SLIT3: variants seen among roughly 807,000 people sequenced by gnomAD.
SLIT3 encodes slit guidance ligand 3, also known as slit homolog 3 protein.
SLIT3 carries 68 observed loss-of-function variants against 184.0 expected under a neutral mutation model. That is an observed-to-expected ratio of 0.37 (90% CI 0.30 to 0.45). The LOEUF is 0.45. Ranked by LOEUF, SLIT3 falls within the 20% of genes least tolerant of loss-of-function variation. SLIT3 has a pLI of 1.00. For missense variants in SLIT3, 1,707 were observed against 2,026.0 expected (o/e 0.84, Z 3.02); for synonymous variants, 831 against 828.6 (o/e 1.00, Z -0.05).
At chr5:168,752,770 G>T in intron 18 of SLIT3, 185 bp downstream of exon 18, 1 of 593,454 alleles carries the variant, frequency 1.7e-6, no homozygotes, top group South Asian at 2.1e-5. Context: ...CCAGGAAGGA[G>T]GGGCCGGGTG....
At chr5:168,752,757 G>C (rs561413996) in intron 18 of SLIT3, 198 bp downstream of exon 18, 2 of 584,162 alleles carry the variant, frequency 3.4e-6, no homozygotes, top group Non-Finnish European at 6.1e-6. Flanking sequence ...TATGCTGTGA[G>C]TTCCAGGAAG....
chr5:168,788,011 C>T (rs902697839), intron 11 of SLIT3, among the ~76,000 whole-genome samples: 2 of 152,096 alleles, frequency 1.3e-5, no homozygotes, highest in Non-Finnish European at 2.9e-5. Context: ...TTAAACAATG[C>T]TCACATATAT....
intron 3 of SLIT3, among the ~76,000 whole-genome samples, chr5:169,232,633 T>C (rs1284117504): frequency 6.6e-6 from 1 of 152,220 alleles, no homozygotes; most frequent in Non-Finnish European, 1.5e-5. Flanking sequence ...TCCATATGGT[T>C]ACCCAATTAC....
chr5:169,133,198 A>G (rs893054601), intron 4 of SLIT3, among the ~76,000 whole-genome samples: 8 of 151,958 alleles, frequency 5.3e-5, no homozygotes, highest in Middle Eastern at 3.2e-3. Flanking sequence ...CTCTTTCTCC[A>G]TTCCCTTTCC....
chr5:168,923,751 C>T (rs1053570146), intron 4 of SLIT3, among the ~76,000 whole-genome samples: 59 of 152,280 alleles, frequency 3.9e-4, no homozygotes, highest in African/African-American at 1.3e-3. Context: ...CTCCTGACCT[C>T]GTGATCCACC....
intron 4 of SLIT3, among the ~76,000 whole-genome samples, chr5:168,959,857 C>T (rs1273785488): frequency 2.6e-5 from 4 of 152,180 alleles, no homozygotes; most frequent in African/African-American, 7.2e-5. Context: ...ACCGAGTTCT[C>T]ACAGGGTGCC....
At chr5:168,817,042 T>A (rs560184223) in intron 8 of SLIT3, among the ~76,000 whole-genome samples, 1 of 141,706 alleles carries the variant, frequency 7.1e-6, no homozygotes, top group African/African-American at 2.6e-5. Flanking sequence ...CTAGTATCAA[T>A]GGACTAGGGG....
At chr5:168,848,239 C>T (rs1036071235) in intron 5 of SLIT3, among the ~76,000 whole-genome samples, 3 of 152,230 alleles carry the variant, frequency 2.0e-5, no homozygotes, top group Non-Finnish European at 2.9e-5. Flanking sequence ...TAAGCCATAT[C>T]GTCATGACTG....
chr5:169,288,760 C>A (rs1767243245), intron 1 of SLIT3, among the ~76,000 whole-genome samples: 1 of 152,168 alleles, frequency 6.6e-6, no homozygotes, highest in Non-Finnish European at 1.5e-5. Flanking sequence ...CCTCTAAACT[C>A]CACCTGGTTA....
intron 4 of SLIT3, among the ~76,000 whole-genome samples, chr5:168,961,524 G>A (rs1019846601): frequency 2.6e-5 from 4 of 152,162 alleles, no homozygotes; most frequent in Non-Finnish European, 5.9e-5. Context: ...ATAGCAATAA[G>A]TACGTTGAAG....
intron 12 of SLIT3, among the ~76,000 whole-genome samples, chr5:168,781,530 C>G (rs2337512): frequency 0.63 from 96,076 of 152,004 alleles, 32,738 homozygotes; most frequent in African/African-American, 0.91. Context: ...CTGCTGGAGA[C>G]AATTCTCATT....
intron 4 of SLIT3, among the ~76,000 whole-genome samples, chr5:169,166,388 G>C (rs774321905): frequency 6.6e-6 from 1 of 152,160 alleles, no homozygotes; most frequent in Non-Finnish European, 1.5e-5. Context: ...ATTACAGTTC[G>C]CAGGGCAGTG....
At chr5:169,169,136 T>A (rs376363482) in intron 4 of SLIT3, among the ~76,000 whole-genome samples, 3 of 152,196 alleles carry the variant, frequency 2.0e-5, no homozygotes, top group African/African-American at 7.2e-5. Flanking sequence ...CCTAACCTGC[T>A]AGATGAAGAG....
chr5:169,151,058 A>G (rs1437195819), intron 4 of SLIT3, among the ~76,000 whole-genome samples: 1 of 152,126 alleles, frequency 6.6e-6, no homozygotes, highest in East Asian at 1.9e-4. Context: ...CTAAAAATAC[A>G]ATTTGGGACT....
chr5:169,045,567 AAAG>A (rs1380420327), intron 4 of SLIT3, among the ~76,000 whole-genome samples: 8 of 152,294 alleles, frequency 5.3e-5, no homozygotes, highest in African/African-American at 1.7e-4. Flanking sequence ...ATTTTTACTG[AAAG>A]AAGGAGTGAA....
intron 4 of SLIT3, among the ~76,000 whole-genome samples, chr5:168,987,289 C>T (rs1345640321): frequency 1.3e-5 from 2 of 152,126 alleles, no homozygotes; most frequent in African/African-American, 4.8e-5. Flanking sequence ...TTATGTTCAC[C>T]AAGTTAATCT....
chr5:169,257,323 T>C (rs1165294999), intron 1 of SLIT3, among the ~76,000 whole-genome samples: 1 of 151,810 alleles, frequency 6.6e-6, no homozygotes, highest in Non-Finnish European at 1.5e-5. Flanking sequence ...CCTGAATGAC[T>C]GCATGAAACA....
At chr5:169,199,111 A>C (rs1253944410) in intron 3 of SLIT3, among the ~76,000 whole-genome samples, 1 of 152,134 alleles carries the variant, frequency 6.6e-6, no homozygotes, top group Non-Finnish European at 1.5e-5. Context: ...AAAACCAGTT[A>C]AAAGTGTTCT....
intron 5 of SLIT3, among the ~76,000 whole-genome samples, chr5:168,872,590 C>T (rs1322782167): frequency 1.4e-5 from 2 of 140,286 alleles, no homozygotes; most frequent in South Asian, 2.3e-4. Context: ...AAATTAAAGT[C>T]TTTTTTTTTT....
Sources: gnomAD v4.1 joint callset for allele counts (sites outside exome capture counted in the v4.1 genomes callset) on GRCh38, gnomAD v4.1.1 for gene constraint, MANE v1.5 for transcripts, NCBI Gene and HGNC (gene_info 2026-07-23, HGNC 2026-07-21) for gene names.